USP32: variants seen among roughly 807,000 people sequenced by gnomAD.
USP32 encodes the protein ubiquitin specific peptidase 32, also known as ubiquitin carboxyl-terminal hydrolase 32.
In USP32, 59 loss-of-function variants were observed where a neutral mutation model predicts 204.8. The ratio of observed to expected loss-of-function variants is 0.29; its 90% CI spans 0.23 to 0.36. The LOEUF (loss-of-function observed/expected upper bound fraction) is 0.36, where lower values mean the gene tolerates loss of function less well. USP32 is among the 10% of genes least tolerant of loss of function. The pLI, the probability that USP32 is intolerant of heterozygous loss-of-function variation, is 1.00. For synonymous variants in USP32, 517 were observed against 678.4 expected (o/e 0.76, Z 3.70); for missense variants, 1,160 against 1,946.4 (o/e 0.60, Z 7.60).
At chr17:60,291,767 T>C (rs2087283588) in intron 4 of USP32, among the ~76,000 whole-genome samples, 1 of 152,120 alleles carries the variant, frequency 6.6e-6, no homozygotes, top group African/African-American at 2.4e-5. Context: ...CAACTAGAGG[T>C]ATCTAATAGT....
rs545473849 is a variant in USP32, at chr17:60,185,012, T to C, written c.3834+448A>G. On this transcript the variant is annotated intron_variant, in intron 30 of 33. Transcript: ENST00000300896. ...CACAGGCCCTAGTGCACTGGTGTGCTTGTGTACACACACTCAACTCAGTAG... is the reference window on the plus strand; with the variant it reads ...CACAGGCCCTAGTGCACTGGTGTGCCTGTGTACACACACTCAACTCAGTAG... Among the ~76,000 whole-genome samples the C allele has an allele frequency of 1.0e-3, 158 of 152,318 alleles. 2 individuals carry two copies. Among genetic ancestry groups the C allele is most frequent in the African/African-American group, 3.7e-3 (153 of 41,582 alleles).
At chr17:60,212,544 A>G (rs2145515305) in intron 18 of USP32, among the ~76,000 whole-genome samples, 1 of 152,070 alleles carries the variant, frequency 6.6e-6, no homozygotes, top group East Asian at 1.9e-4. Flanking sequence ...ACATGCCTGT[A>G]ATTGGCTCTA....
At position 60,354,060 on chromosome 17, in the gene USP32, T is replaced by G. The variant is rs544445623; in HGVS notation, c.59-8452A>C. 1.3e-4 allele frequency among the ~76,000 whole-genome samples: 20 copies of G among 152,328 alleles called. No homozygotes were observed. In the South Asian group the frequency reaches 4.1e-3, roughly 32 times the overall value. On this transcript the variant is annotated intron_variant, in intron 1 of 33. Transcript: ENST00000300896. Reference sequence around the variant, plus strand: ...AAATCACATGCATGTGTGAAATGCATGAAATTAAATCCATTTTTGTAAAGG... The same window carrying G: ...AAATCACATGCATGTGTGAAATGCAGGAAATTAAATCCATTTTTGTAAAGG...
At chr17:60,204,922 C>T (rs1308592943) in intron 26 of USP32, among the ~76,000 whole-genome samples, 2 of 151,484 alleles carry the variant, frequency 1.3e-5, no homozygotes, top group African/African-American at 4.9e-5. Context: ...TATAGGCACA[C>T]ACCATCATGG....
intron 2 of USP32, among the ~76,000 whole-genome samples, chr17:60,311,586 G>A (rs1196151861): frequency 6.6e-6 from 1 of 152,208 alleles, no homozygotes; most frequent in African/African-American, 2.4e-5. Context: ...ACTTTGGGAG[G>A]CCGAGGATGG....
At position 60,181,486 on chromosome 17, in the gene USP32, C is replaced by T. The variant is rs560584471; in HGVS notation, c.4386G>A (p.Gln1462=). The change falls in exon 32 of 34, where the codon CAG becomes CAA. Residue 1462 remains glutamine, a synonymous_variant. Coordinates refer to ENST00000300896, the MANE Select transcript of USP32 (RefSeq NM_032582.4). ...GGSQPELVTP[Q]DHEVALANGF... is the part of the protein sequence containing the mutation. ...CATTGGCCAAAGCTACCTCATGGTC[C>T]TGAGGAGTGACCAACTCTGGTTGGC... The T allele has an allele frequency of 1.5e-5, 24 of 1,614,010 alleles. No homozygotes were observed. The South Asian group carries it at 2.6e-4, about 18-fold the overall frequency.
intron 5 of USP32, among the ~76,000 whole-genome samples, chr17:60,279,496 A>C (rs1426861853): frequency 2.0e-5 from 3 of 151,610 alleles, no homozygotes; most frequent in Non-Finnish European, 4.4e-5. Context: ...AAAAAGAAAA[A>C]AAAAACCTTA....
At chr17:60,192,179 T>C (rs1168618011) in intron 28 of USP32, among the ~76,000 whole-genome samples, 1 of 151,918 alleles carries the variant, frequency 6.6e-6, no homozygotes, top group African/African-American at 2.4e-5. Context: ...TAGTCCCGGC[T>C]ACTCGGGAGG....
intron 17 of USP32, among the ~76,000 whole-genome samples, chr17:60,214,251 G>T (rs1446137994): frequency 1.3e-5 from 2 of 152,084 alleles, no homozygotes; most frequent in African/African-American, 4.8e-5. Flanking sequence ...CACACCATTA[G>T]TTTATAATGT....
At position 60,212,095 on chromosome 17, in the gene USP32, C is replaced by A; in HGVS notation, c.2108G>T (p.Arg703Leu). ...CTCAGGCCAACTCATATCTTTGTTG[C>A]GAACTGGAAGGACAGATAGGAATGT... ...QDEQHLVIEV[R>L]NKDMSWPEEM... The change falls in exon 19 of 34, where the codon CGC becomes CTC. Residue 703 changes from arginine to leucine, a missense_variant. Physicochemically the swap from Arg to Leu is moderately radical, Grantham distance 102. This residue lies in a region of USP32 where 132 missense variants were observed against 432.8 expected (regional missense o/e 0.30). Transcript: ENST00000300896. 1 of 1,605,010 alleles carries A rather than the reference C, an allele frequency of 6.2e-7. No homozygotes were observed. Among genetic ancestry groups the A allele is most frequent in the Non-Finnish European group, 8.5e-7 (1 of 1,174,978 alleles).
In USP32 at chr17:60,368,991, A is replaced by ATTT. The variant is rs758528054; in HGVS notation, c.58+22888_58+22890dup. 6.2e-3 allele frequency among the ~76,000 whole-genome samples: 712 copies of ATTT among 114,106 alleles called. 117 individuals are homozygous for ATTT. Among genetic ancestry groups the ATTT allele is most frequent in the African/African-American group, 0.033 (645 of 19,564 alleles). The allele number at this position is 114,106 out of a possible 152,430, so 74.9% of individuals were successfully genotyped here. ...ACATACACGAATTATTTTTTAAAAG[A>ATTT]TTTTTTTTTTTTTTTTTTTTTGAGA... is the stretch of plus-strand genomic sequence containing the variant. On this transcript the variant is annotated intron_variant, in intron 1 of 33. Coordinates refer to ENST00000300896, the MANE Select transcript of USP32 (RefSeq NM_032582.4).
At chr17:60,378,499 G>A (rs1257941250) in intron 1 of USP32, among the ~76,000 whole-genome samples, 2 of 152,086 alleles carry the variant, frequency 1.3e-5, no homozygotes, top group East Asian at 1.9e-4. Context: ...GTACACCAAT[G>A]TTCACAACAA....
At chr17:60,308,864 G>A (rs2087790018) in intron 2 of USP32, among the ~76,000 whole-genome samples, 1 of 152,214 alleles carries the variant, frequency 6.6e-6, no homozygotes, top group Non-Finnish European at 1.5e-5. Flanking sequence ...AGGAGGCGGA[G>A]GTTGCAGTGA....
chr17:60,380,580 A>G (rs1250396645), intron 1 of USP32, among the ~76,000 whole-genome samples: 1 of 152,202 alleles, frequency 6.6e-6, no homozygotes, highest in Non-Finnish European at 1.5e-5. Context: ...AAGAGAAATC[A>G]CAGAAATATG....
At chr17:60,418,610 G>A (rs555164973) in intron 1 of USP32, among the ~76,000 whole-genome samples, 159 of 151,908 alleles carry the variant, frequency 1.0e-3, no homozygotes, top group Non-Finnish European at 1.3e-3. Flanking sequence ...TGCAAACTAT[G>A]CATCCTACAA....
At chr17:60,249,495 C>G (rs2086114837) in intron 11 of USP32, 1 of 463,854 alleles carries the variant, frequency 2.2e-6, no homozygotes, top group Non-Finnish European at 3.8e-6. Flanking sequence ...TATCCCCAAG[C>G]TGGTGATGTC....
chr17:60,415,492 G>T (rs2090053082), intron 1 of USP32, among the ~76,000 whole-genome samples: 1 of 152,184 alleles, frequency 6.6e-6, no homozygotes. Context: ...GGTTAGACTT[G>T]TTAGATCCTT....
intron 1 of USP32, among the ~76,000 whole-genome samples, chr17:60,404,401 T>C (rs1341074919): frequency 9.9e-5 from 15 of 152,220 alleles, no homozygotes; most frequent in Non-Finnish European, 2.2e-4. Context: ...GAAGAGGTCC[T>C]GAGCTTTAAA....
chr17:60,210,944 A>G, intron 21 of USP32, 69 bp downstream of exon 21: 1 of 1,521,944 alleles, frequency 6.6e-7, no homozygotes, highest in Non-Finnish European at 8.8e-7. Context: ...AACACAAAAA[A>G]CAAGCAGAGA....
Sources: allele counts gnomAD v4.1 joint callset (sites outside exome capture counted in the v4.1 genomes callset), GRCh38; gene constraint gnomAD v4.1.1; regional missense constraint gnomAD v4.1.1; transcripts MANE v1.5; gene names NCBI Gene and HGNC (gene_info 2026-07-23, HGNC 2026-07-21).